Variants in ARHGAP22 observed in about 807,000 individuals in gnomAD.
ARHGAP22 encodes the protein Rho GTPase activating protein 22.
Under a neutral mutation model 59.1 loss-of-function variants are expected in ARHGAP22, and 48 were observed. That is an observed-to-expected ratio of 0.81 (90% CI 0.64 to 1.03). The LOEUF (loss-of-function observed/expected upper bound fraction) is 1.03, where lower values mean the gene tolerates loss of function less well. Among genes scored for constraint, ARHGAP22 ranks in the 50% least tolerant of loss-of-function variants. ARHGAP22 has a pLI of 0.00. For synonymous variants in ARHGAP22, 445 were observed against 416.4 expected, an observed-to-expected ratio of 1.07 and a Z score of -0.84; for missense variants, 1,015 against 958.7, an observed-to-expected ratio of 1.06 and a Z score of -0.78.
chr10:48,578,091 G>A (rs997921124), intron 2 of ARHGAP22, among the ~76,000 whole-genome samples: 4 of 152,130 alleles, frequency 2.6e-5, no homozygotes, highest in Non-Finnish European at 4.4e-5. Context: ...CTAGAGGCGT[G>A]AGCCACTGCG....
chr10:48,448,358 C>T (rs531559603), intron 9 of ARHGAP22, among the ~76,000 whole-genome samples: 64 of 152,272 alleles, frequency 4.2e-4, no homozygotes, highest in African/African-American at 1.4e-3. Flanking sequence ...TTTAACACAC[C>T]GTGTATTTTT....
intron 3 of ARHGAP22, among the ~76,000 whole-genome samples, chr10:48,550,768 A>C (rs143823556): frequency 3.9e-5 from 6 of 152,210 alleles, no homozygotes; most frequent in African/African-American, 1.4e-4. Context: ...TAATACAAAA[A>C]AGCTAAGCTC....
intron 2 of ARHGAP22, among the ~76,000 whole-genome samples, chr10:48,562,834 C>T (rs2057775263): frequency 6.6e-6 from 1 of 152,174 alleles, no homozygotes. Flanking sequence ...GAATTTGATT[C>T]AGTTATCAAA....
chr10:48,630,460 T>G (rs759655964), intron 1 of ARHGAP22, among the ~76,000 whole-genome samples: 23 of 152,226 alleles, frequency 1.5e-4, no homozygotes, highest in Non-Finnish European at 3.1e-4. Context: ...TTTATTTCGA[T>G]TTTCTTAGAT....
intron 3 of ARHGAP22, among the ~76,000 whole-genome samples, chr10:48,544,170 T>A (rs2056223644): frequency 6.6e-6 from 1 of 152,080 alleles, no homozygotes. Context: ...GAAACTGTCC[T>A]GCCGTCTGCA....
chr10:48,459,529 G>T (rs1199219300), intron 5 of ARHGAP22, among the ~76,000 whole-genome samples, 155 bp downstream of exon 5: 6 of 152,196 alleles, frequency 3.9e-5, no homozygotes, highest in Non-Finnish European at 7.3e-5. Context: ...CGGGCTGGCG[G>T]AGTGAGGGTG....
intron 3 of ARHGAP22, among the ~76,000 whole-genome samples, chr10:48,498,265 C>T (rs2051152691): frequency 6.6e-6 from 1 of 152,154 alleles, no homozygotes; most frequent in South Asian, 2.1e-4. Flanking sequence ...ACGGCAGCCA[C>T]ACTGCATAGC....
At chr10:48,526,669 A>C (rs1050547611) in intron 3 of ARHGAP22, among the ~76,000 whole-genome samples, 3 of 152,222 alleles carry the variant, frequency 2.0e-5, no homozygotes, top group African/African-American at 7.2e-5. Context: ...TTTGGAAAGC[A>C]AGATTTAAAA....
intron 2 of ARHGAP22, among the ~76,000 whole-genome samples, chr10:48,563,140 A>G (rs1212029038): frequency 6.6e-6 from 1 of 151,138 alleles, no homozygotes; most frequent in East Asian, 1.9e-4. Context: ...TTTCCACTAT[A>G]AAGAACTCTT....
chr10:48,460,971 G>C (rs1225755932), intron 4 of ARHGAP22, among the ~76,000 whole-genome samples: 4 of 152,208 alleles, frequency 2.6e-5, no homozygotes, highest in African/African-American at 4.8e-5. Flanking sequence ...GCTGCAAGGA[G>C]CTGGGGACAG....
intron 3 of ARHGAP22, among the ~76,000 whole-genome samples, chr10:48,483,006 C>G (rs1298249572): frequency 6.6e-6 from 1 of 152,036 alleles, no homozygotes; most frequent in Non-Finnish European, 1.5e-5. Flanking sequence ...TTCTTTTCAG[C>G]TCCTACATAT....
intron 1 of ARHGAP22, among the ~76,000 whole-genome samples, chr10:48,599,679 C>A (rs540372415): frequency 6.6e-6 from 1 of 152,348 alleles, no homozygotes; most frequent in Admixed American, 6.5e-5. Flanking sequence ...TGAGGGCTAA[C>A]TCCACAGGGT....
At chr10:48,655,253 GTGT>G (rs1342253222), upstream of ARHGAP22, among the ~76,000 whole-genome samples, 35 of 11,708 alleles carry the variant, frequency 3.0e-3, 1 homozygote, top group East Asian at 8.8e-3. Context: ...GTGTGTGTGT[GTGT>G]GGGGGGGGGG....
chr10:48,481,815 C>T (rs2049350852), intron 3 of ARHGAP22, among the ~76,000 whole-genome samples: 1 of 152,144 alleles, frequency 6.6e-6, no homozygotes, highest in South Asian at 2.1e-4. Flanking sequence ...TTTAGCCATC[C>T]GAATAGGTGT....
chr10:48,519,877 A>C (rs1234523817), intron 3 of ARHGAP22, among the ~76,000 whole-genome samples: 1 of 152,160 alleles, frequency 6.6e-6, no homozygotes, highest in Admixed American at 6.5e-5. Context: ...TCTGGGGCCA[A>C]GGTGGGGTTT....
chr10:48,451,058 G>A lies in ARHGAP22; in HGVS notation c.1071C>T (p.Pro357=). Residue 357 remains proline (P), a synonymous_variant, in exon 9 of 10, where the codon CCC becomes CCT. Coordinates refer to ENST00000249601, the MANE Select transcript of ARHGAP22 (RefSeq NM_021226.4). ...QLFTAPVPEG[P]TSPRGGLQCA... ...ATTGCAGGCCCCCGCGCGGGGAGGTGGGCCCTTCCGGGACCGGTGCCGTGA... is the reference window on the plus strand; with the variant it reads ...ATTGCAGGCCCCCGCGCGGGGAGGTAGGCCCTTCCGGGACCGGTGCCGTGA... The A allele has an allele frequency of 4.5e-6, 7 of 1,552,264 alleles. No homozygotes were observed. Among genetic ancestry groups the A allele is most frequent in the Non-Finnish European group, 6.1e-6 (7 of 1,147,824 alleles).
At chr10:48,431,254 G>A in the ARHGAP22 span, 19 of 1,611,002 alleles carry the variant, frequency 1.2e-5, no homozygotes, top group Non-Finnish European at 1.5e-5. Context: ...TTATACGGGG[G>A]CAGCCCTCTC....
At chr10:48,630,436 G>A (rs1425423362) in intron 1 of ARHGAP22, among the ~76,000 whole-genome samples, 1 of 151,954 alleles carries the variant, frequency 6.6e-6, no homozygotes. Flanking sequence ...CCATGACAGC[G>A]GAACATCTCT....
chr10:48,631,703 C>T (rs944862868), intron 1 of ARHGAP22, among the ~76,000 whole-genome samples: 2 of 152,148 alleles, frequency 1.3e-5, no homozygotes, highest in African/African-American at 4.8e-5. Context: ...CTTTGGTTAT[C>T]TACGTGTTAT....
Sources: allele counts gnomAD v4.1 joint callset (sites outside exome capture counted in the v4.1 genomes callset), GRCh38; gene constraint gnomAD v4.1.1; transcripts MANE v1.5; gene names NCBI Gene and HGNC (gene_info 2026-07-23, HGNC 2026-07-21).